The following ELMO1 variants were observed in gnomAD, a reference collection of about 807,000 sequenced individuals.
ELMO1 encodes the protein engulfment and cell motility 1.
ELMO1 carries 26 observed loss-of-function variants against 98.9 expected under a neutral mutation model. The ratio of observed to expected loss-of-function variants is 0.26; its 90% confidence interval spans 0.19 to 0.36. ELMO1 has a LOEUF of 0.36. Ranked by LOEUF, ELMO1 falls within the 10% of genes least tolerant of loss-of-function variation. ELMO1 has a pLI of 1.00. For missense variants in ELMO1, 627 were observed against 935.2 expected, an observed-to-expected ratio of 0.67 and a Z score of 4.30; for synonymous variants, 346 against 346.0, an observed-to-expected ratio of 1.00 and a Z score of 0.00.
At chr7:37,258,616 G>A (rs1259288346) in intron 6 of ELMO1, among the ~76,000 whole-genome samples, 1 of 152,130 alleles carries the variant, frequency 6.6e-6, no homozygotes, top group Non-Finnish European at 1.5e-5. Flanking sequence ...GCACTGAGTA[G>A]GTAGTTAATA....
At chr7:37,244,323 A>T (rs373459734) in intron 7 of ELMO1, 33 bp downstream of exon 7, 21 of 1,609,182 alleles carry the variant, frequency 1.3e-5, no homozygotes, top group Non-Finnish European at 1.7e-5. Context: ...GGAAGGGTTA[A>T]ATCATCAATA....
rs1444367289 is a variant in ELMO1 at position 37,159,710 on chromosome 7, A to G, written c.1087-26476T>C. ...CGAGACTCTGTCTCAAAAAATAATAATAATAATAATAATTCAGGGGACTAA... is the reference window on the plus strand; with the variant it reads ...CGAGACTCTGTCTCAAAAAATAATAGTAATAATAATAATTCAGGGGACTAA... On this transcript the variant is annotated intron_variant, in intron 13 of 21. Coordinates refer to ENST00000310758, the MANE Select transcript of ELMO1 (RefSeq NM_014800.11). Among the ~76,000 whole-genome samples, 14 of 152,272 alleles carry G rather than the reference A, an allele frequency of 9.2e-5. No homozygotes were observed. The East Asian group carries it at 2.7e-3, about 29-fold the overall frequency.
At chr7:36,856,715 CT>C (rs1377142138) in intron 21 of ELMO1, among the ~76,000 whole-genome samples, 3 of 152,178 alleles carry the variant, frequency 2.0e-5, no homozygotes, top group African/African-American at 7.2e-5. Flanking sequence ...AGAGGCACCC[CT>C]GATGCCAGCA....
intron 16 of ELMO1, among the ~76,000 whole-genome samples, chr7:36,960,605 C>T (rs145810620): frequency 6.6e-6 from 1 of 151,992 alleles, no homozygotes; most frequent in African/African-American, 2.4e-5. Context: ...CCCATCCCCC[C>T]CACTCACTCA....
At chr7:37,147,562 A>G (rs1474696369) in intron 13 of ELMO1, among the ~76,000 whole-genome samples, 1 of 152,180 alleles carries the variant, frequency 6.6e-6, no homozygotes, top group African/African-American at 2.4e-5. Context: ...TCAATTTATC[A>G]ACTAAGAGTT....
At chr7:37,315,220 T>C (rs80095465) in intron 3 of ELMO1, among the ~76,000 whole-genome samples, 3 of 152,286 alleles carry the variant, frequency 2.0e-5, no homozygotes, top group African/African-American at 7.2e-5. Context: ...ATTCTACTTA[T>C]TTTAAGGGAT....
At chr7:37,346,264 T>C (rs1252975337) in intron 1 of ELMO1, among the ~76,000 whole-genome samples, 1 of 152,198 alleles carries the variant, frequency 6.6e-6, no homozygotes, top group Non-Finnish European at 1.5e-5. Context: ...TGCACACCTA[T>C]TCAGAGTGTA....
chr7:37,399,728 A>T (rs1250138206), intron 1 of ELMO1, among the ~76,000 whole-genome samples: 3 of 152,206 alleles, frequency 2.0e-5, no homozygotes, highest in Admixed American at 2.0e-4. Context: ...CAGCATCATT[A>T]CTGCTATATC....
At chr7:37,092,173 A>G (rs1432718938) in intron 15 of ELMO1, among the ~76,000 whole-genome samples, 2 of 152,078 alleles carry the variant, frequency 1.3e-5, no homozygotes, top group Non-Finnish European at 2.9e-5. Context: ...TGTCTTGCTC[A>G]CAAAAGAGCC....
At chr7:37,387,715 C>G (rs144784988) in intron 1 of ELMO1, among the ~76,000 whole-genome samples, 1 of 152,174 alleles carries the variant, frequency 6.6e-6, no homozygotes, top group Non-Finnish European at 1.5e-5. Context: ...CTGTTCCACT[C>G]GCTGTCCTGA....
intron 1 of ELMO1, chr7:37,375,817 C>T: frequency 2.4e-6 from 2 of 834,574 alleles, no homozygotes; most frequent in South Asian, 2.8e-5. Context: ...CTGCAGCCGT[C>T]CAGAGACTGG....
At chr7:36,942,050 A>G (rs1787086521) in intron 16 of ELMO1, among the ~76,000 whole-genome samples, 1 of 152,228 alleles carries the variant, frequency 6.6e-6, no homozygotes, top group South Asian at 2.1e-4. Flanking sequence ...AGAGTTTTAG[A>G]GGTAGAGGTT....
At chr7:37,317,112 G>C (rs2131110990) in intron 2 of ELMO1, among the ~76,000 whole-genome samples, 1 of 152,166 alleles carries the variant, frequency 6.6e-6, no homozygotes, top group East Asian at 1.9e-4. Flanking sequence ...AAAGGATTAG[G>C]ACTCCTGAAA....
At chr7:37,378,840 C>A (rs1408838994) in intron 1 of ELMO1, among the ~76,000 whole-genome samples, 1 of 152,136 alleles carries the variant, frequency 6.6e-6, no homozygotes, top group African/African-American at 2.4e-5. Context: ...CCTTTCACCG[C>A]TACTGCCACC....
rs1215079490 is a variant in ELMO1, at chr7:37,267,026, A to T, written c.243+4806T>A. Among the ~76,000 whole-genome samples the T allele has an allele frequency of 9.1e-4, 95 of 104,642 alleles. 7 individuals are homozygous for T. The highest frequency in any genetic ancestry group is 2.6e-3 in the African/African-American group (64 of 25,000). The allele number at this position is 104,642 out of a possible 152,430, so 68.6% of individuals were successfully genotyped here. On this transcript the variant is annotated intron_variant, in intron 5 of 21. Transcript: ENST00000310758. ...AGACTCCATCTAAAAAAAAAAAAAA[A>T]ATATGTATATATACACACACACACA...
At chr7:36,944,144 G>T (rs970545870) in intron 16 of ELMO1, among the ~76,000 whole-genome samples, 2 of 152,064 alleles carry the variant, frequency 1.3e-5, no homozygotes. Context: ...ATTCCTCATG[G>T]CAACTTTCCC....
intron 6 of ELMO1, among the ~76,000 whole-genome samples, chr7:37,252,561 A>C (rs1338703860): frequency 1.3e-5 from 2 of 152,182 alleles, no homozygotes; most frequent in Non-Finnish European, 2.9e-5. Flanking sequence ...ACTTCCTTAC[A>C]CCTTATACAC....
At chr7:37,258,439 A>AT (rs1795805874) in intron 6 of ELMO1, among the ~76,000 whole-genome samples, 1 of 133,040 alleles carries the variant, frequency 7.5e-6, no homozygotes, top group Non-Finnish European at 1.6e-5. Context: ...TCCATCTCAA[A>AT]TAAAAAAAAA....
At chr7:37,146,898 C>T (rs758518000) in intron 13 of ELMO1, among the ~76,000 whole-genome samples, 5 of 152,170 alleles carry the variant, frequency 3.3e-5, no homozygotes, top group East Asian at 1.9e-4. Flanking sequence ...AAACAAGTGA[C>T]GAGGTACCTG....
Sources: gnomAD v4.1 joint callset for allele counts (sites outside exome capture counted in the v4.1 genomes callset) on GRCh38, gnomAD v4.1.1 for gene constraint, MANE v1.5 for transcripts, NCBI Gene and HGNC (gene_info 2026-07-23, HGNC 2026-07-21) for gene names.